Variants in FAM117B observed in about 807,000 individuals in gnomAD.
FAM117B encodes protein FAM117B.
Under a neutral mutation model 52.8 loss-of-function variants are expected in FAM117B, and 22 were observed. That is an observed-to-expected ratio of 0.42 (90% CI 0.30 to 0.59). The LOEUF is 0.59. Ranked by LOEUF, FAM117B falls within the 20% of genes least tolerant of loss-of-function variation. The pLI, the probability that FAM117B is intolerant of heterozygous loss-of-function variation, is 0.22. For synonymous variants in FAM117B, 309 were observed against 324.1 expected, an observed-to-expected ratio of 0.95 and a Z score of 0.50; for missense variants, 678 against 802.6, an observed-to-expected ratio of 0.84 and a Z score of 1.88.
rs534241185 is a variant in FAM117B at position 202,717,801 on chromosome 2, C to G, written c.754-7116C>G. ...ACCCAAGGCCTGCTGTAACCACTAT[C>G]TGGCTAATGCTTTTGATTGCTCAAG... On this transcript the variant is annotated intron_variant, in intron 2 of 7. Transcript: ENST00000392238. 7.9e-5 allele frequency among the ~76,000 whole-genome samples: 12 copies of G among 151,490 alleles called. No homozygotes were observed. The South Asian group carries it at 2.5e-3, about 31-fold the overall frequency.
At chr2:202,651,842 T>G (rs1574541781) in intron 1 of FAM117B, among the ~76,000 whole-genome samples, 1 of 151,794 alleles carries the variant, frequency 6.6e-6, no homozygotes, top group Non-Finnish European at 1.5e-5. Context: ...TCACCTGAAG[T>G]CAGGAGTTCG....
rs571531562 is a variant in FAM117B, at chr2:202,766,892, G to A, written c.*1128G>A. ...AATCCAGTGGATAGTGATCCAAACTGTAGCCGCAGAATCCTGTGACTGACA... is the reference window on the plus strand; with the variant it reads ...AATCCAGTGGATAGTGATCCAAACTATAGCCGCAGAATCCTGTGACTGACA... On this transcript the variant is annotated 3_prime_UTR_variant, in exon 8 of 8. Coordinates refer to ENST00000392238, the MANE Select transcript of FAM117B (RefSeq NM_173511.4). The A allele has an allele frequency of 6.6e-6, 1 of 152,486 alleles. No homozygotes were observed. The highest frequency in any genetic ancestry group is 1.5e-5 in the Non-Finnish European group (1 of 68,042). The allele number at this position is 152,486 out of a possible 1,614,324, so 9.4% of individuals were successfully genotyped here.
At chr2:202,670,654 A>G (rs138144978) in intron 1 of FAM117B, among the ~76,000 whole-genome samples, 2 of 152,220 alleles carry the variant, frequency 1.3e-5, no homozygotes, top group Admixed American at 1.3e-4. Context: ...CAAGACTCAT[A>G]TTTCCGTCTG....
chr2:202,652,460 C>T (rs1689971883), intron 1 of FAM117B, among the ~76,000 whole-genome samples: 1 of 152,118 alleles, frequency 6.6e-6, no homozygotes, highest in South Asian at 2.1e-4. Flanking sequence ...AGAACACATC[C>T]TTGACCTTAT....
chr2:202,672,854 A>T (rs1690319170), intron 1 of FAM117B, among the ~76,000 whole-genome samples: 2 of 152,056 alleles, frequency 1.3e-5, no homozygotes, highest in Non-Finnish European at 2.9e-5. Context: ...GGGCAACATC[A>T]TGGCAAGGCT....
chr2:202,697,117 G>A (rs953195178), intron 2 of FAM117B, among the ~76,000 whole-genome samples: 6 of 152,104 alleles, frequency 3.9e-5, no homozygotes, highest in Non-Finnish European at 7.4e-5. Context: ...CTACCCCTTA[G>A]TTTTACAGAT....
At chr2:202,681,068 A>G (rs1363731865) in intron 1 of FAM117B, among the ~76,000 whole-genome samples, 1 of 152,202 alleles carries the variant, frequency 6.6e-6, no homozygotes, top group East Asian at 1.9e-4. Context: ...AGCAATGGAA[A>G]TATTAGGCCT....
chr2:202,731,986 C>T (rs1338175483), intron 4 of FAM117B, among the ~76,000 whole-genome samples: 1 of 151,946 alleles, frequency 6.6e-6, no homozygotes, highest in Admixed American at 6.6e-5. Context: ...CTGCCCGCCT[C>T]GGCCTCCCAA....
At chr2:202,737,359 T>G (rs1691455563) in intron 4 of FAM117B, among the ~76,000 whole-genome samples, 2 of 152,188 alleles carry the variant, frequency 1.3e-5, no homozygotes, top group African/African-American at 4.8e-5. Context: ...TTAACATATA[T>G]GTAGATTATA....
At chr2:202,722,843 T>A (rs1017953967) in intron 2 of FAM117B, among the ~76,000 whole-genome samples, 5 of 151,982 alleles carry the variant, frequency 3.3e-5, no homozygotes, top group Non-Finnish European at 5.9e-5. Flanking sequence ...AAAAAAAAAA[T>A]TCATTTGTTA....
chr2:202,651,281 C>T (rs550328663), intron 1 of FAM117B, among the ~76,000 whole-genome samples: 23 of 151,966 alleles, frequency 1.5e-4, no homozygotes, highest in East Asian at 3.9e-4. Context: ...AGGCTGGTCT[C>T]GAACTCCTGA....
intron 1 of FAM117B, among the ~76,000 whole-genome samples, chr2:202,684,879 T>C (rs576264467): frequency 9.6e-4 from 146 of 152,326 alleles, no homozygotes; most frequent in African/African-American, 2.8e-3. Flanking sequence ...TTATTGTTCA[T>C]TGTGACTTTA....
chr2:202,694,188 C>CTTTTTTTTTTTTTTTTTTTTTTTTT (rs757843381), intron 1 of FAM117B, among the ~76,000 whole-genome samples: 2 of 99,098 alleles, frequency 2.0e-5, no homozygotes, highest in African/African-American at 8.8e-5. Context: ...AAACCCACTT[C>CTTTTTTTTTTTTTTTTTTTTTTTTT]TTTTTTTTTT....
At chr2:202,710,697 C>T (rs993440152) in intron 2 of FAM117B, among the ~76,000 whole-genome samples, 3 of 152,008 alleles carry the variant, frequency 2.0e-5, no homozygotes, top group African/African-American at 4.8e-5. Flanking sequence ...AACCATCCCC[C>T]TTCCCTTCTT....
At chr2:202,648,542 C>CATAT (rs141162650) in intron 1 of FAM117B, among the ~76,000 whole-genome samples, 11,369 of 120,058 alleles carry the variant, frequency 0.095, 1,655 homozygotes, top group African/African-American at 0.32. Context: ...ACAAAAAATA[C>CATAT]ATATATATAT....
chr2:202,677,099 C>A (rs547118322), intron 1 of FAM117B, among the ~76,000 whole-genome samples: 2 of 149,578 alleles, frequency 1.3e-5, no homozygotes, highest in Admixed American at 1.3e-4. Flanking sequence ...GAGACAGTCT[C>A]GCTCTGTCAC....
chr2:202,719,376 C>T (rs1691113567), intron 2 of FAM117B, among the ~76,000 whole-genome samples: 1 of 148,716 alleles, frequency 6.7e-6, no homozygotes, highest in African/African-American at 2.5e-5. Context: ...TGAATTAATC[C>T]TGATTTTTAA....
chr2:202,725,506 A>G lies in FAM117B; in HGVS notation c.846+497A>G, dbSNP rs532656509. The stretch of plus-strand genomic sequence containing the variant: ...GCTAATTTTTGTATTTTCAGTAGAG[A>G]TGGGGTTTCATCATGTTGTCCAGGC... On this transcript the variant is annotated intron_variant, in intron 3 of 7. Coordinates refer to ENST00000392238, the MANE Select transcript of FAM117B (RefSeq NM_173511.4). Among the ~76,000 whole-genome samples the G allele has an allele frequency of 4.0e-5, 6 of 151,874 alleles. No individual in the cohort carries two copies. In the East Asian group the frequency reaches 5.8e-4, roughly 15 times the overall value.
In FAM117B at chr2:202,766,074, ACAC is replaced by A. The variant is rs1691974239; in HGVS notation, c.*311_*313del. 4.5e-6 allele frequency: 1 copy of A among 220,354 alleles called. No individual in the cohort carries two copies. Among genetic ancestry groups the A allele is most frequent in the African/African-American group, 2.4e-5 (1 of 41,816 alleles). 13.6% of individuals were successfully genotyped at this position (220,354 alleles called of 1,614,324 possible). A position where few individuals can be genotyped will look rare whatever the true frequency, so the allele number is the denominator to read the frequency against. On this transcript the variant is annotated 3_prime_UTR_variant, in exon 8 of 8. Transcript: ENST00000392238. ...AGACTTCTTTAAAACACACACACAC[ACAC>A]ACACACACACACACACACACACACA...
Sources: allele counts gnomAD v4.1 joint callset (sites outside exome capture counted in the v4.1 genomes callset), GRCh38; gene constraint gnomAD v4.1.1; transcripts MANE v1.5; gene names NCBI Gene and HGNC (gene_info 2026-07-23, HGNC 2026-07-21).